The following MAP2K5 variants were observed in gnomAD, a reference collection of about 807,000 sequenced individuals.
MAP2K5 encodes the protein dual specificity mitogen-activated protein kinase kinase 5.
A neutral mutation model predicts 83.1 loss-of-function variants in MAP2K5; 49 were observed. The ratio of observed to expected loss-of-function variants is 0.59; its 90% CI spans 0.47 to 0.75. The LOEUF (loss-of-function observed/expected upper bound fraction) is 0.75. Ranked by LOEUF, MAP2K5 falls within the 30% of genes least tolerant of loss-of-function variation. The probability of loss-of-function intolerance (pLI) is 0.00; values close to 1 mark genes in which losing one functional copy is unlikely to be tolerated. For missense variants in MAP2K5, 457 were observed against 557.5 expected (o/e 0.82, Z 1.82); for synonymous variants, 202 against 191.8 (o/e 1.05, Z -0.44).
intron 12 of MAP2K5, among the ~76,000 whole-genome samples, chr15:67,662,214 T>C (rs1372577684): frequency 6.6e-6 from 1 of 152,182 alleles, no homozygotes; most frequent in African/African-American, 2.4e-5. Flanking sequence ...TCAGTATTAA[T>C]TGATATAGAT....
At chr15:67,692,449 G>C (rs1204954419) in intron 13 of MAP2K5, 30 bp from the exon 14 acceptor site, 18 of 1,537,448 alleles carry the variant, frequency 1.2e-5, no homozygotes, top group Non-Finnish European at 1.5e-5. Flanking sequence ...CATGGAATTA[G>C]TTACATGGCC....
At chr15:67,584,672 C>CTTTTT (rs36111747) in intron 4 of MAP2K5, among the ~76,000 whole-genome samples, 10 of 106,100 alleles carry the variant, frequency 9.4e-5, no homozygotes, top group African/African-American at 2.8e-4. Context: ...ATATCTTCTC[C>CTTTTT]TTTTTTTTTT....
At chr15:67,633,151 G>A (rs1473613836) in intron 9 of MAP2K5, among the ~76,000 whole-genome samples, 1 of 152,180 alleles carries the variant, frequency 6.6e-6, no homozygotes, top group African/African-American at 2.4e-5. Context: ...ACTGAGTGTG[G>A]CTCTGTTGTA....
At chr15:67,800,065 A>G (rs571650655) in intron 21 of MAP2K5, among the ~76,000 whole-genome samples, 1 of 152,280 alleles carries the variant, frequency 6.6e-6, no homozygotes, top group South Asian at 2.1e-4. Context: ...TGGAAGGAAG[A>G]GTTGGCCCCA....
rs2090369978 is a variant in MAP2K5, at chr15:67,783,847, T to C, written c.1242+11095T>C. On this transcript the variant is annotated intron_variant, in intron 21 of 21. Transcript: ENST00000178640. This position sits in a 1 kb window ranked among gnomAD's most constrained non-coding sequence, Gnocchi z 5.1. ...ACATTTGGGTATTTATGTGAGTATA[T>C]TACTTTTCTGCACACAGATGTGAAA... Among the ~76,000 whole-genome samples the C allele has an allele frequency of 6.6e-6, 1 of 152,280 alleles. No individual in the cohort carries two copies. The highest frequency in any genetic ancestry group is 2.1e-4 in the South Asian group (1 of 4,828).
chr15:67,658,706 T>C (rs2087153772), intron 12 of MAP2K5, 92 bp downstream of exon 12: 1 of 1,157,022 alleles, frequency 8.6e-7, no homozygotes, highest in Admixed American at 1.7e-5. Flanking sequence ...TTTTTCTTGT[T>C]CTTCAATCCC....
In MAP2K5 at chr15:67,794,638, G is replaced by GAAA. The variant is rs61493121; in HGVS notation, c.1243-11991_1243-11989dup. On this transcript the variant is annotated intron_variant, in intron 21 of 21. Coordinates refer to ENST00000178640, the MANE Select transcript of MAP2K5 (RefSeq NM_145160.3). This position sits in a 1 kb window ranked among gnomAD's most constrained non-coding sequence, Gnocchi z 4.6. ...CGGGTAACTCTGGAACATCACAGCT[G>GAAA]AAAAAAAAAAAAAAAAAAAGACGGT... Among the ~76,000 whole-genome samples the GAAA allele has an allele frequency of 8.6e-6, 1 of 116,522 alleles. No homozygotes were observed. Among genetic ancestry groups the GAAA allele is most frequent in the African/African-American group, 3.2e-5 (1 of 31,162 alleles). The allele number at this position is 116,522 out of a possible 152,430, so 76.4% of individuals were successfully genotyped here.
rs1334722215 is a variant in MAP2K5, at chr15:67,664,621, T to C, written c.823T>C (p.Trp275Arg). 1 of 1,599,492 alleles carries C rather than the reference T, an allele frequency of 6.3e-7. No individual in the cohort carries two copies. Among genetic ancestry groups the C allele is most frequent in the Non-Finnish European group, 8.6e-7 (1 of 1,167,218 alleles). ...GGTTGTTAAAGGCCTTACTTATTTGTGGAGTTTAAAGATTTTACATAGAGG... is the reference window on the plus strand; with the variant it reads ...GGTTGTTAAAGGCCTTACTTATTTGCGGAGTTTAAAGATTTTACATAGAGG... ...VAVVKGLTYL[W>R]SLKILHRDVK... is the part of the protein sequence containing the mutation. Residue 275 changes from tryptophan to arginine, a missense_variant, in exon 13 of 22, where the codon TGG (tryptophan) becomes CGG (arginine). Physicochemically the swap from Trp to Arg is moderately radical, Grantham distance 101. Transcript: ENST00000178640.
intron 13 of MAP2K5, among the ~76,000 whole-genome samples, chr15:67,680,591 T>C (rs2087793797): frequency 6.6e-6 from 1 of 152,246 alleles, no homozygotes; most frequent in African/African-American, 2.4e-5. Context: ...CCTACTATTA[T>C]CCTTAGCATG....
intron 3 of MAP2K5, among the ~76,000 whole-genome samples, chr15:67,570,777 T>A (rs1374776117): frequency 2.0e-5 from 3 of 152,210 alleles, no homozygotes; most frequent in Non-Finnish European, 2.9e-5. Flanking sequence ...GTTGGTTAGT[T>A]TATTGATTAT....
In MAP2K5 at chr15:67,644,330, G is replaced by A. The variant is rs2086783895; in HGVS notation, c.586-1901G>A. ...AATGGCTTGAACCCGGGAGGCGGAG[G>A]TTGCAGTGAGCCAAGATCGCGCCAC... On this transcript the variant is annotated intron_variant, in intron 9 of 21. Coordinates refer to ENST00000178640, the MANE Select transcript of MAP2K5 (RefSeq NM_145160.3). This position sits in a 1 kb window ranked among gnomAD's most constrained non-coding sequence, Gnocchi z 4.6. Among the ~76,000 whole-genome samples the A allele has an allele frequency of 1.3e-5, 2 of 152,158 alleles. No homozygotes were observed. Among genetic ancestry groups the A allele is most frequent in the Middle Eastern group, 3.4e-3 (1 of 294 alleles).
chr15:67,566,389 T>C (rs1308273959), intron 3 of MAP2K5, among the ~76,000 whole-genome samples: 1 of 152,148 alleles, frequency 6.6e-6, no homozygotes, highest in Non-Finnish European at 1.5e-5. Flanking sequence ...TTGGCCAGGC[T>C]GGTCTCGAAC....
chr15:67,805,005 G>A (rs1216783397), intron 21 of MAP2K5, among the ~76,000 whole-genome samples: 5 of 152,146 alleles, frequency 3.3e-5, no homozygotes, highest in Non-Finnish European at 5.9e-5. Context: ...GGCCTCCATG[G>A]CCCCTGTGCC....
At chr15:67,648,281 A>G (rs1364195090) in intron 11 of MAP2K5, among the ~76,000 whole-genome samples, 2 of 152,090 alleles carry the variant, frequency 1.3e-5, no homozygotes, top group African/African-American at 2.4e-5. Flanking sequence ...TTCTGTCTCT[A>G]TGGATTTACC....
At chr15:67,660,208 G>A (rs191738595) in intron 12 of MAP2K5, among the ~76,000 whole-genome samples, 5 of 151,802 alleles carry the variant, frequency 3.3e-5, no homozygotes, top group African/African-American at 1.2e-4. Flanking sequence ...TTTGCTCTTT[G>A]TCTGCCACGG....
intron 19 of MAP2K5, among the ~76,000 whole-genome samples, chr15:67,751,448 C>T (rs530699261): frequency 6.6e-6 from 1 of 152,182 alleles, no homozygotes; most frequent in Admixed American, 6.5e-5. Flanking sequence ...GTAATCAGGT[C>T]CTCCCTAAGT....
In MAP2K5 at chr15:67,630,053, C is replaced by T. The variant is rs149270418; in HGVS notation, c.546-835C>T. Among the ~76,000 whole-genome samples, 62 of 152,296 alleles carry T rather than the reference C, an allele frequency of 4.1e-4. No individual in the cohort carries two copies. In the East Asian group the frequency reaches 0.011, roughly 28 times the overall value. ...AGCAGTTCCAGGCCAGCCTGAGCAA[C>T]ATCCAGAGACCCTGTCTCTACAAAA... On this transcript the variant is annotated intron_variant, in intron 8 of 21. Coordinates refer to ENST00000178640, the MANE Select transcript of MAP2K5 (RefSeq NM_145160.3).
chr15:67,766,851 G>C (rs1385186707), intron 19 of MAP2K5, among the ~76,000 whole-genome samples: 1 of 152,216 alleles, frequency 6.6e-6, no homozygotes, highest in African/African-American at 2.4e-5. Flanking sequence ...CCTTTGCCCA[G>C]TGTTTATGTG....
intron 21 of MAP2K5, among the ~76,000 whole-genome samples, chr15:67,773,684 C>G (rs910646120): frequency 1.3e-5 from 2 of 152,204 alleles, no homozygotes; most frequent in African/African-American, 4.8e-5. Context: ...AAGGTACTTT[C>G]CTCCTTCATG....
Sources: gnomAD v4.1 joint callset for allele counts (sites outside exome capture counted in the v4.1 genomes callset) on GRCh38, gnomAD v4.1.1 for gene constraint, Gnocchi (gnomAD v3.1) non-coding constraint, MANE v1.5 for transcripts, NCBI Gene and HGNC (gene_info 2026-07-23, HGNC 2026-07-21) for gene names.